The following COL11A1 variants were observed in gnomAD, a reference collection of about 807,000 sequenced individuals.
COL11A1 encodes collagen type XI alpha 1 chain.
Under a neutral mutation model 265.2 loss-of-function variants are expected in COL11A1, and 74 were observed. That is an observed-to-expected ratio of 0.28 (90% CI 0.23 to 0.34). The LOEUF (loss-of-function observed/expected upper bound fraction) is 0.34, where lower values mean the gene tolerates loss of function less well. COL11A1 is among the 10% of genes least tolerant of loss of function. The pLI is 1.00. For synonymous variants in COL11A1, 816 were observed against 727.6 expected, an observed-to-expected ratio of 1.12 and a Z score of -1.96; for missense variants, 2,165 against 2,263.6, an observed-to-expected ratio of 0.96 and a Z score of 0.88.
Position 103,015,727 on chromosome 1 carries a change from G to A in COL11A1, c.1429C>T (p.Pro477Ser). 1 of 1,606,716 alleles carries A rather than the reference G, an allele frequency of 6.2e-7. No individual in the cohort carries two copies. The highest frequency in any genetic ancestry group is 8.5e-7 in the Non-Finnish European group (1 of 1,175,936). The change falls in exon 12 of 67, where the codon CCT becomes TCT. Residue 477 changes from proline to serine, a missense_variant. Transcript: ENST00000370096. ...DPGDRGPPGRPGLPGADGLPG... is the reference protein window; with the variant it reads ...DPGDRGPPGRSGLPGADGLPG... ...AGACCATCAGCCCCTGGTAAGCCAG[G>A]ACGTCCTGGGGGGCCCTAGAAAAAT...
At chr1:103,018,249 T>C (rs1353198935) in intron 10 of COL11A1, among the ~76,000 whole-genome samples, 1 of 152,188 alleles carries the variant, frequency 6.6e-6, no homozygotes, top group Non-Finnish European at 1.5e-5. Flanking sequence ...TTAGAGGCAA[T>C]TATGTTTCCT....
intron 37 of COL11A1, among the ~76,000 whole-genome samples, chr1:102,969,498 T>C (rs563352689): frequency 1.3e-5 from 2 of 152,264 alleles, no homozygotes; most frequent in Admixed American, 6.5e-5. Context: ...CTGATTAGAA[T>C]GACAATCCAC....
chr1:103,006,209 A>ATAAATAAATAAG, intron 16 of COL11A1, 53 bp downstream of exon 16: 1 of 1,429,812 alleles, frequency 7.0e-7, no homozygotes, highest in Non-Finnish European at 9.5e-7. Flanking sequence ...AAATAAATAA[A>ATAAATAAATAAG]ACTAATGATC....
At chr1:102,945,994 G>A (rs1003011313) in intron 42 of COL11A1, among the ~76,000 whole-genome samples, 16 of 142,866 alleles carry the variant, frequency 1.1e-4, no homozygotes, top group African/African-American at 4.1e-4. Flanking sequence ...ATACTATGCA[G>A]CCATAAAAAA....
intron 21 of COL11A1, 101 bp downstream of exon 21, chr1:103,003,114 G>C: frequency 8.7e-7 from 1 of 1,143,128 alleles, no homozygotes; most frequent in East Asian, 2.4e-5. Flanking sequence ...AACATAACAA[G>C]GCAATAAACT....
chr1:103,068,902 T>C (rs995311711), intron 4 of COL11A1, among the ~76,000 whole-genome samples: 1 of 150,642 alleles, frequency 6.6e-6, no homozygotes, highest in Admixed American at 6.6e-5. Context: ...CTAGAAAACA[T>C]TGTAAAAAAA....
At chr1:102,978,979 T>G in intron 33 of COL11A1, 66 bp from the exon 34 acceptor site, 1 of 1,609,658 alleles carries the variant, frequency 6.2e-7, no homozygotes. Flanking sequence ...CTAAATCAAT[T>G]TTTATTTTTG....
chr1:102,979,634 A>C, intron 31 of COL11A1, 199 bp from the exon 32 acceptor site: 1 of 663,778 alleles, frequency 1.5e-6, no homozygotes, highest in Non-Finnish European at 2.7e-6. Context: ...GAAAGCACAA[A>C]TTGATAAAAC....
rs1259798847 is a variant in COL11A1 at position 103,022,914 on chromosome 1, G to A, written c.1073C>T (p.Thr358Ile). 2 of 1,613,524 alleles carry A rather than the reference G, an allele frequency of 1.2e-6. No individual in the cohort carries two copies. Among genetic ancestry groups the A allele is most frequent in the African/African-American group, 1.3e-5 (1 of 74,858 alleles). The change falls in exon 8 of 67, where the codon ACA becomes ATA. Residue 358 changes from threonine to isoleucine, a missense_variant. Physicochemically the swap from Thr to Ile is moderately conservative, Grantham distance 89. Transcript: ENST00000370096. The stretch of plus-strand genomic sequence containing the variant: ...GTCTATTTCTTTGTTTTCATATAGT[G>A]TATCCTCAGAATTTTTCCTCTGGGA... ...YDSQRKNSED[T>I]LYENKEIDGR...
At chr1:103,045,409 C>G (rs1173806118) in intron 4 of COL11A1, among the ~76,000 whole-genome samples, 1 of 152,048 alleles carries the variant, frequency 6.6e-6, no homozygotes, top group African/African-American at 2.4e-5. Flanking sequence ...CAATTAAAGG[C>G]TCTTGCAATT....
chr1:103,036,322 G>GTA (rs3056958), intron 4 of COL11A1, among the ~76,000 whole-genome samples: 2,200 of 140,312 alleles, frequency 0.016, 63 homozygotes, highest in African/African-American at 0.055. Context: ...AGTTGCTATC[G>GTA]TATATATATA....
intron 54 of COL11A1, among the ~76,000 whole-genome samples, chr1:102,906,465 T>C (rs1020008937): frequency 6.6e-6 from 1 of 152,136 alleles, no homozygotes; most frequent in Admixed American, 6.6e-5. Context: ...TGGAGTACAG[T>C]AGAACAATCA....
In COL11A1 at chr1:103,078,755, C is replaced by T. The variant is rs1158320165; in HGVS notation, c.391G>A (p.Val131Ile). ...AACAGAAAAACAGGTGATCTCCCAA[C>T]CTCAACACCAATTTGCTGAATACCA... ...EHGIQQIGVEVGRSPVFLFED... is the reference protein window; with the variant it reads ...EHGIQQIGVEIGRSPVFLFED... Residue 131 changes from valine to isoleucine, a missense_variant, in exon 3 of 67, where the codon GTT becomes ATT. By Grantham distance (29) the Val-to-Ile change is conservative (BLOSUM62 3). Transcript: ENST00000370096. 1.2e-6 allele frequency: 2 copies of T among 1,613,408 alleles called. No individual in the cohort carries two copies. Among genetic ancestry groups the T allele is most frequent in the Non-Finnish European group, 1.7e-6 (2 of 1,179,616 alleles).
At position 102,898,978 on chromosome 1, in the gene COL11A1, G is replaced by T; in HGVS notation, c.4103C>A (p.Ala1368Glu). 1.3e-6 allele frequency: 2 copies of T among 1,544,600 alleles called. No homozygotes were observed. The highest frequency in any genetic ancestry group is 1.2e-5 in the South Asian group (1 of 81,588). ...TTCACCTTGTCTTCCCTCTGCACCT[G>T]CAGCTCCAGGAGGACCCTATAGACA... is the stretch of plus-strand genomic sequence containing the variant. Reference protein sequence around the residue: ...PPGKRGPPGAAGAEGRQGEKG... With the variant: ...PPGKRGPPGAEGAEGRQGEKG... The change falls in exon 55 of 67, where the codon GCA (alanine) becomes GAA (glutamate). Residue 1368 changes from alanine to glutamate, a missense_variant. By Grantham distance (107) the Ala-to-Glu change is moderately radical. Transcript: ENST00000370096.
intron 41 of COL11A1, among the ~76,000 whole-genome samples, chr1:102,953,399 A>G (rs534896603): frequency 7.2e-5 from 11 of 152,134 alleles, no homozygotes; most frequent in Non-Finnish European, 1.5e-4. Context: ...CAAACTCTCT[A>G]TGGGCCACTT....
chr1:103,086,860 A>G (rs1046955155), intron 1 of COL11A1, among the ~76,000 whole-genome samples: 3 of 151,774 alleles, frequency 2.0e-5, no homozygotes, highest in Admixed American at 6.6e-5. Flanking sequence ...GTAAAACTCC[A>G]TTAATTAAGT....
chr1:103,029,264 A>G (rs542717511), intron 5 of COL11A1, among the ~76,000 whole-genome samples: 308 of 152,178 alleles, frequency 2.0e-3, no homozygotes, highest in Non-Finnish European at 3.0e-3. Context: ...ATTAGTGAAC[A>G]AGTAAGTAAT....
chr1:102,929,624 T>C (rs1005830753), intron 46 of COL11A1, among the ~76,000 whole-genome samples: 24 of 152,158 alleles, frequency 1.6e-4, no homozygotes, highest in Non-Finnish European at 3.5e-4. Context: ...TCCAATTCTG[T>C]GAAGAAAGGC....
At chr1:102,939,969 T>C (rs1194200464) in intron 43 of COL11A1, among the ~76,000 whole-genome samples, 2 of 152,266 alleles carry the variant, frequency 1.3e-5, no homozygotes, top group Admixed American at 6.5e-5. Flanking sequence ...TTAAGTCTTA[T>C]TGTACAATAT....
Sources: gnomAD v4.1 joint callset for allele counts (sites outside exome capture counted in the v4.1 genomes callset) on GRCh38, gnomAD v4.1.1 for gene constraint, MANE v1.5 for transcripts, NCBI Gene and HGNC (gene_info 2026-07-23, HGNC 2026-07-21) for gene names.